Variants in CEP128 observed in about 807,000 individuals in gnomAD.
The protein encoded by CEP128 is centrosomal protein 128, also known as centrosomal protein 128kDa.
CEP128 carries 132 observed loss-of-function variants against 156.7 expected under a neutral mutation model. The ratio of observed to expected loss-of-function variants is 0.84; its 90% CI spans 0.73 to 0.97. The LOEUF (loss-of-function observed/expected upper bound fraction) is 0.97, where lower values mean the gene tolerates loss of function less well. Among genes scored for constraint, CEP128 ranks in the 50% least tolerant of loss-of-function variants. The pLI, the probability that CEP128 is intolerant of heterozygous loss-of-function variation, is 0.00. For synonymous variants in CEP128, 469 were observed against 448.9 expected, an observed-to-expected ratio of 1.04 and a Z score of -0.57; for missense variants, 1,252 against 1,281.9, an observed-to-expected ratio of 0.98 and a Z score of 0.36.
chr14:80,512,393 A>G (rs1157399706), intron 23 of CEP128, among the ~76,000 whole-genome samples: 1 of 151,998 alleles, frequency 6.6e-6, no homozygotes, highest in East Asian at 1.9e-4. Context: ...TGATATAAGT[A>G]TAGCTACTCC....
upstream of CEP128, among the ~76,000 whole-genome samples, chr14:80,946,615 T>C (rs1886350015): frequency 1.3e-5 from 2 of 152,102 alleles, no homozygotes; most frequent in Admixed American, 1.3e-4. Flanking sequence ...TCTAAAAGCA[T>C]TGACATGACC....
chr14:80,799,858 C>G (rs561015492), intron 13 of CEP128, among the ~76,000 whole-genome samples: 1 of 152,078 alleles, frequency 6.6e-6, no homozygotes, highest in African/African-American at 2.4e-5. Context: ...ATAAGTGCAC[C>G]GCTGAACATA....
intron 13 of CEP128, among the ~76,000 whole-genome samples, chr14:80,825,691 A>G (rs997111004): frequency 6.6e-6 from 1 of 152,246 alleles, no homozygotes; most frequent in Non-Finnish European, 1.5e-5. Flanking sequence ...GTTAAAGAAA[A>G]CAGAAAAACC....
intron 16 of CEP128, among the ~76,000 whole-genome samples, chr14:80,772,098 T>A (rs1189341921): frequency 1.3e-5 from 2 of 152,018 alleles, no homozygotes; most frequent in Non-Finnish European, 2.9e-5. Context: ...AAATATGGGG[T>A]AGAAGAGGGG....
rs1223824422 is a variant in CEP128, at chr14:80,857,442, T to A, written c.762+5315A>T. Among the ~76,000 whole-genome samples the A allele has an allele frequency of 2.0e-5, 3 of 151,924 alleles. No individual in the cohort carries two copies. The East Asian group carries it at 5.8e-4, about 29-fold the overall frequency. On this transcript the variant is annotated intron_variant, in intron 9 of 24. Transcript: ENST00000555265. ...CTGATGGGTATAGGCTTAACAACAC[T>A]TGAATTTAGGTCGGGCGTGGTGGCT... is the stretch of plus-strand genomic sequence containing the variant.
intron 19 of CEP128, among the ~76,000 whole-genome samples, chr14:80,593,805 G>A (rs1171937497): frequency 2.6e-5 from 4 of 152,066 alleles, no homozygotes; most frequent in East Asian, 1.9e-4. Context: ...ACAAACCACT[G>A]CTCAAGGAAA....
At chr14:80,909,746 A>G (rs1303798161) in intron 4 of CEP128, among the ~76,000 whole-genome samples, 1 of 152,198 alleles carries the variant, frequency 6.6e-6, no homozygotes, top group African/African-American at 2.4e-5. Context: ...CACAACAGAC[A>G]CTGCACAAAA....
chr14:80,527,026 G>A, intron 22 of CEP128, 44 bp from the exon 23 acceptor site: 1 of 857,330 alleles, frequency 1.2e-6, no homozygotes, highest in Non-Finnish European at 1.9e-6. Flanking sequence ...GTAGATGAAA[G>A]AAAATCAGTG....
At chr14:80,613,330 T>G (rs1595089441) in intron 19 of CEP128, among the ~76,000 whole-genome samples, 1 of 111,366 alleles carries the variant, frequency 9.0e-6, no homozygotes, top group Non-Finnish European at 1.7e-5. Flanking sequence ...TGAGACGGAG[T>G]CTCGCTCTGT....
intron 8 of CEP128, among the ~76,000 whole-genome samples, chr14:80,867,263 T>C (rs1887811959): frequency 6.6e-6 from 1 of 152,170 alleles, no homozygotes; most frequent in African/African-American, 2.4e-5. Context: ...ATGGCATGGA[T>C]ATAATGAATA....
downstream of CEP128, among the ~76,000 whole-genome samples, chr14:80,486,119 A>T (rs1327175919): frequency 6.6e-6 from 1 of 152,154 alleles, no homozygotes; most frequent in Non-Finnish European, 1.5e-5. Flanking sequence ...ATTGCATTGT[A>T]GTTACTCAAT....
At chr14:80,506,976 A>C (rs994247537) in intron 23 of CEP128, among the ~76,000 whole-genome samples, 1 of 151,952 alleles carries the variant, frequency 6.6e-6, no homozygotes, top group Non-Finnish European at 1.5e-5. Context: ...CCGTCCTTGC[A>C]ATAGTGAGGG....
At chr14:80,520,288 G>A (rs983145137) in intron 23 of CEP128, among the ~76,000 whole-genome samples, 9 of 151,948 alleles carry the variant, frequency 5.9e-5, no homozygotes, top group African/African-American at 1.5e-4. Context: ...GCATAGTGGC[G>A]CATGCCTGTG....
chr14:80,656,323 A>ATATATTT lies in CEP128; in HGVS notation c.2807-75901_2807-75900insAAATATA, dbSNP rs1566837987. ...TATATATATATATATATATATATAT[A>ATATATTT]TATATATATATATATATAGCAATAA... is the stretch of plus-strand genomic sequence containing the variant. On this transcript the variant is annotated intron_variant, in intron 19 of 24. Coordinates refer to ENST00000555265, the MANE Select transcript of CEP128 (RefSeq NM_152446.5). Among the ~76,000 whole-genome samples the ATATATTT allele has an allele frequency of 3.0e-4, 10 of 33,494 alleles. 1 individual carries two copies. The highest frequency in any genetic ancestry group is 1.1e-3 in the African/African-American group (9 of 7,876). The allele number at this position is 33,494 out of a possible 152,430, so 22.0% of individuals were successfully genotyped here.
intron 19 of CEP128, among the ~76,000 whole-genome samples, chr14:80,588,624 T>A (rs1891918372): frequency 6.6e-6 from 1 of 152,064 alleles, no homozygotes; most frequent in African/African-American, 2.4e-5. Flanking sequence ...CTAAAAGAAG[T>A]CCAAGTTCAG....
At chr14:80,665,550 G>C (rs1448370932) in intron 19 of CEP128, among the ~76,000 whole-genome samples, 2 of 152,086 alleles carry the variant, frequency 1.3e-5, no homozygotes, top group Admixed American at 1.3e-4. Flanking sequence ...AAAAGTAAAA[G>C]TTTCAAACTC....
chr14:80,629,583 T>A (rs1972298), intron 19 of CEP128, among the ~76,000 whole-genome samples: 53,772 of 151,666 alleles, frequency 0.35, 11,317 homozygotes, highest in African/African-American at 0.59. Flanking sequence ...AATCGGTCAC[T>A]AATAAAGGAT....
chr14:80,584,389 G>T (rs897501087), intron 19 of CEP128, among the ~76,000 whole-genome samples: 18 of 151,798 alleles, frequency 1.2e-4, no homozygotes, highest in Non-Finnish European at 2.4e-4. Flanking sequence ...CAAGTGATCC[G>T]CCCGCCTCGG....
chr14:80,929,391 T>C (rs1053248085), intron 2 of CEP128, among the ~76,000 whole-genome samples: 4 of 152,148 alleles, frequency 2.6e-5, no homozygotes, highest in African/African-American at 4.8e-5. Context: ...GGAAAATAAG[T>C]CACTATGTCA....
Sources: allele counts gnomAD v4.1 joint callset (sites outside exome capture counted in the v4.1 genomes callset), GRCh38; gene constraint gnomAD v4.1.1; transcripts MANE v1.5; gene names NCBI Gene and HGNC (gene_info 2026-07-23, HGNC 2026-07-21).